Variants in TACC3 observed in about 807,000 individuals in gnomAD.
The protein encoded by TACC3 is transforming acidic coiled-coil-containing protein 3.
TACC3 carries 52 observed loss-of-function variants against 86.0 expected under a neutral mutation model. That is an observed-to-expected ratio of 0.60 (90% CI 0.48 to 0.76). TACC3 has a LOEUF of 0.76. Among genes scored for constraint, TACC3 ranks in the 30% least tolerant of loss-of-function variants. The pLI is 0.00. For missense variants in TACC3, 1,120 were observed against 1,070.4 expected (o/e 1.05, Z -0.65); for synonymous variants, 512 against 430.0 (o/e 1.19, Z -2.36).
At chr4:1,739,388 T>G (rs1718449700) in intron 10 of TACC3, 1 of 448,676 alleles carries the variant, frequency 2.2e-6, no homozygotes. Context: ...ATTTAACACT[T>G]AGGACCCCTA....
intron 8 of TACC3, 137 bp from the exon 9 acceptor site, chr4:1,737,104 G>A (rs543830281): frequency 5.7e-5 from 39 of 688,580 alleles, no homozygotes; most frequent in Non-Finnish European, 8.6e-5. Flanking sequence ...GCGGGTCTGC[G>A]TTTTCTACCA....
At chr4:1,741,715 C>G (rs1718609042) in intron 13 of TACC3, 1 of 152,234 alleles carries the variant, frequency 6.6e-6, no homozygotes, top group African/African-American at 2.4e-5. Flanking sequence ...TCAGACTAAA[C>G]TGGAAAAGCG....
intron 13 of TACC3, among the ~76,000 whole-genome samples, chr4:1,742,451 T>G (rs1718640319): frequency 6.6e-6 from 1 of 152,222 alleles, no homozygotes; most frequent in South Asian, 2.1e-4. Flanking sequence ...CCTTTGCACA[T>G]CTAATCCCAT....
chr4:1,721,552 T>C lies in TACC3; in HGVS notation c.-93T>C, dbSNP rs3134865. On this transcript the variant is annotated 5_prime_UTR_variant, in exon 1 of 16. Transcript: ENST00000313288. ...CTAGAAGCGCGACGGCGGTAGCAGC[T>C]AGGCTTGGCCCCCGGCGTGGAGCAG... 108,080 of 151,694 alleles carry C rather than the reference T, an allele frequency of 0.71. 39,638 individuals carry two copies. The highest frequency in any genetic ancestry group is 0.86 in the East Asian group (4,384 of 5,114). 9.4% of individuals were successfully genotyped at this position (151,694 alleles called of 1,614,324 possible).
chr4:1,720,940 G>C (rs1020815527), upstream of TACC3: 1 of 1,004,456 alleles, frequency 1.0e-6, no homozygotes, highest in Non-Finnish European at 1.3e-6. The surrounding 1 kb of genome is among the most constrained non-coding windows in gnomAD (Gnocchi z 4.4). Flanking sequence ...GCCGCCGCCC[G>C]GCCGCCCGCG....
intron 6 of TACC3, among the ~76,000 whole-genome samples, chr4:1,732,748 G>A (rs1035716274): frequency 2.0e-5 from 3 of 152,232 alleles, no homozygotes; most frequent in South Asian, 4.1e-4. Flanking sequence ...GTCTCCCTCG[G>A]GGAGGTGTGT....
chr4:1,724,381 T>A (rs1189502808), intron 3 of TACC3, among the ~76,000 whole-genome samples: 1 of 120,232 alleles, frequency 8.3e-6, no homozygotes, highest in Non-Finnish European at 1.7e-5. Context: ...ATACTTCACT[T>A]TTTTTTTTTT....
intron 4 of TACC3, among the ~76,000 whole-genome samples, chr4:1,729,779 C>G (rs576022635): frequency 6.2e-4 from 94 of 152,244 alleles, no homozygotes; most frequent in Non-Finnish European, 1.1e-3. Context: ...GGAGCAGAGT[C>G]TTCTCTAACT....
chr4:1,735,023 G>A lies in TACC3; in HGVS notation c.1592-250G>A, dbSNP rs981309097. On this transcript the variant is annotated intron_variant, in intron 6 of 15. Transcript: ENST00000313288. The surrounding 1 kb of genome is among the most constrained non-coding windows in gnomAD (Gnocchi z 4.2). The stretch of plus-strand genomic sequence containing the variant: ...TGCCCCCGCCTTTCCCCAGATGTTT[G>A]TGGTTGTCACACCTGGAGGTGCTGC... Among the ~76,000 whole-genome samples, 1 of 152,264 alleles carries A rather than the reference G, an allele frequency of 6.6e-6. No individual in the cohort carries two copies. The highest frequency in any genetic ancestry group is 1.5e-5 in the Non-Finnish European group (1 of 68,046).
rs1411088093 is a variant in TACC3 at position 1,721,567 on chromosome 4, GCGTGGAGCAGA to G, written c.-75_-65del. 6 of 152,262 alleles carry G rather than the reference GCGTGGAGCAGA, an allele frequency of 3.9e-5. No individual in the cohort carries two copies. The highest frequency in any genetic ancestry group is 8.8e-5 in the Non-Finnish European group (6 of 68,100). The allele number at this position is 152,262 out of a possible 1,614,324, so 9.4% of individuals were successfully genotyped here. On this transcript the variant is annotated 5_prime_UTR_variant, in exon 1 of 16. Transcript: ENST00000313288. ...CGGTAGCAGCTAGGCTTGGCCCCCG[GCGTGGAGCAGA>G]CGCGGACCCCTCCTTCCTGGCGGCG...
At chr4:1,732,283 T>C (rs902123577) in intron 6 of TACC3, among the ~76,000 whole-genome samples, 3 of 148,978 alleles carry the variant, frequency 2.0e-5, no homozygotes, top group Admixed American at 2.0e-4. Flanking sequence ...GATTGGAGGC[T>C]GCAGTTAAAT....
chr4:1,729,057 C>T lies in TACC3; in HGVS notation c.1385+270C>T, dbSNP rs192975013. On this transcript the variant is annotated intron_variant, in intron 4 of 15. Transcript: ENST00000313288. Reference sequence around the variant, plus strand: ...GCTCAGGCCAGAAGCCAAATGCAACCAACCCTGGGCAGGACCCTGTCCCCC... The same window carrying T: ...GCTCAGGCCAGAAGCCAAATGCAACTAACCCTGGGCAGGACCCTGTCCCCC... 3.0e-3 allele frequency among the ~76,000 whole-genome samples: 452 copies of T among 152,298 alleles called. 3 individuals carry two copies. The highest frequency in any genetic ancestry group is 0.01 in the African/African-American group (429 of 41,560).
At chr4:1,742,387 G>A (rs1336318738) in intron 13 of TACC3, among the ~76,000 whole-genome samples, 1 of 152,224 alleles carries the variant, frequency 6.6e-6, no homozygotes, top group African/African-American at 2.4e-5. Context: ...TCTCCCCGGG[G>A]CAGGCCTGTG....
intron 6 of TACC3, among the ~76,000 whole-genome samples, chr4:1,734,154 C>T (rs1319821935): frequency 6.6e-6 from 1 of 152,166 alleles, no homozygotes; most frequent in Non-Finnish European, 1.5e-5. Context: ...GCCTGGATCT[C>T]AGCCAGATCA....
intron 6 of TACC3, among the ~76,000 whole-genome samples, chr4:1,732,209 TAAATA>T (rs1262335263): frequency 1.4e-5 from 2 of 146,164 alleles, no homozygotes; most frequent in African/African-American, 5.1e-5. Context: ...AGGCTGCAGT[TAAATA>T]AATACGGTTT....
chr4:1,731,069 C>G, intron 5 of TACC3, 103 bp from the exon 6 acceptor site: 1 of 1,594,200 alleles, frequency 6.3e-7, no homozygotes, highest in Non-Finnish European at 8.6e-7. Context: ...GGATGTCCCG[C>G]TCCCTCTCCC....
upstream of TACC3, chr4:1,720,968 G>C (rs1313435683): frequency 6.7e-6 from 3 of 446,870 alleles, no homozygotes; most frequent in African/African-American, 6.3e-5. The surrounding 1 kb of genome is among the most constrained non-coding windows in gnomAD (Gnocchi z 4.4). Flanking sequence ...CTAGGACATG[G>C]AGTCCCGCCG....
At chr4:1,729,524 T>C (rs1560302944) in intron 4 of TACC3, among the ~76,000 whole-genome samples, 1 of 152,200 alleles carries the variant, frequency 6.6e-6, no homozygotes, top group Non-Finnish European at 1.5e-5. Flanking sequence ...ACGTGTCCAC[T>C]GGGCCCTTCC....
At chr4:1,731,339 CG>C in intron 6 of TACC3, 38 bp downstream of exon 6, 1 of 1,600,198 alleles carries the variant, frequency 6.2e-7, no homozygotes, top group Non-Finnish European at 8.5e-7. Flanking sequence ...ACAGTCTGCC[CG>C]GAGGGGATCC....
Sources: gnomAD v4.1 joint callset for allele counts (sites outside exome capture counted in the v4.1 genomes callset) on GRCh38, gnomAD v4.1.1 for gene constraint, Gnocchi (gnomAD v3.1) non-coding constraint, MANE v1.5 for transcripts, NCBI Gene and HGNC (gene_info 2026-07-23, HGNC 2026-07-21) for gene names.